Variants in SCRN1 observed in about 807,000 individuals in gnomAD.
The protein encoded by SCRN1 is secernin-1.
Under a neutral mutation model 43.3 loss-of-function variants are expected in SCRN1, and 19 were observed. That is an observed-to-expected ratio of 0.44 (90% CI 0.31 to 0.64). The LOEUF (loss-of-function observed/expected upper bound fraction) is 0.64, where lower values mean the gene tolerates loss of function less well. Among genes scored for constraint, SCRN1 ranks in the 30% least tolerant of loss-of-function variants. SCRN1 has a pLI of 0.09. For synonymous variants in SCRN1, 183 were observed against 188.9 expected, an observed-to-expected ratio of 0.97 and a Z score of 0.26; for missense variants, 447 against 524.1, an observed-to-expected ratio of 0.85 and a Z score of 1.44.
intron 1 of SCRN1, among the ~76,000 whole-genome samples, chr7:29,984,402 T>C (rs960561371): frequency 6.6e-5 from 10 of 151,916 alleles, no homozygotes; most frequent in Non-Finnish European, 1.5e-4. Context: ...GACTCGATTA[T>C]AAAATAACTT....
intron 3 of SCRN1, among the ~76,000 whole-genome samples, chr7:29,954,498 C>T (rs1458156889): frequency 1.3e-5 from 2 of 152,136 alleles, no homozygotes; most frequent in East Asian, 1.9e-4. Flanking sequence ...GGAATCACTC[C>T]CCATTCTCTC....
At chr7:29,975,341 G>T (rs1032527850) in intron 1 of SCRN1, among the ~76,000 whole-genome samples, 1 of 152,196 alleles carries the variant, frequency 6.6e-6, no homozygotes, top group Non-Finnish European at 1.5e-5. Flanking sequence ...TTCCTTGTTT[G>T]AGGCATAATT....
At chr7:29,971,744 G>C (rs752892831) in intron 1 of SCRN1, among the ~76,000 whole-genome samples, 3 of 151,876 alleles carry the variant, frequency 2.0e-5, no homozygotes, top group Non-Finnish European at 4.4e-5. Flanking sequence ...TTCCTAATTA[G>C]AGCAGTTACC....
At chr7:29,990,181 C>G, upstream of SCRN1, 1 of 1,551,668 alleles carries the variant, frequency 6.4e-7, no homozygotes, top group South Asian at 1.2e-5. Context: ...GTGTCCTGTA[C>G]CTTGTTGACT....
At chr7:29,925,777 A>C (rs554313528) in intron 7 of SCRN1, among the ~76,000 whole-genome samples, 1 of 150,760 alleles carries the variant, frequency 6.6e-6, no homozygotes. Flanking sequence ...GGGAGGCAGA[A>C]GCAGGTGGAT....
intron 2 of SCRN1, among the ~76,000 whole-genome samples, chr7:29,957,721 C>T (rs906425571): frequency 1.3e-5 from 2 of 152,128 alleles, no homozygotes; most frequent in Non-Finnish European, 2.9e-5. Flanking sequence ...GCATGGTCCG[C>T]TAGAGGCTGT....
chr7:29,932,693 AGAG>A lies in SCRN1; in HGVS notation c.905+3860_905+3862del, dbSNP rs1787199449. 2.1e-5 allele frequency among the ~76,000 whole-genome samples: 3 copies of A among 143,110 alleles called. No individual in the cohort carries two copies. The South Asian group carries it at 7.2e-4, about 34-fold the overall frequency. 93.9% of individuals were successfully genotyped at this position (143,110 alleles called of 152,430 possible). ...AAAAAAAAAAAAGATTAGTACACTG[AGAG>A]GAGAAGAGGAGGAAACAAAAGACAC... On this transcript the variant is annotated intron_variant, in intron 6 of 7. Transcript: ENST00000242059.
chr7:29,988,680 C>G (rs929822780), intron 1 of SCRN1: 1 of 152,558 alleles, frequency 6.6e-6, no homozygotes, highest in Non-Finnish European at 1.5e-5. Context: ...CCACCCCACC[C>G]GGCTGCCGGA....
At chr7:29,973,316 G>A (rs1280634864) in intron 1 of SCRN1, among the ~76,000 whole-genome samples, 2 of 152,108 alleles carry the variant, frequency 1.3e-5, no homozygotes, top group South Asian at 2.1e-4. Flanking sequence ...GTACTTGTCT[G>A]GCCAATTCCT....
chr7:29,960,376 A>C (rs1788268935), intron 2 of SCRN1, among the ~76,000 whole-genome samples: 2 of 152,228 alleles, frequency 1.3e-5, no homozygotes, highest in Admixed American at 6.5e-5. Flanking sequence ...TGTAGTGGAA[A>C]ACAGACAAAA....
intron 2 of SCRN1, among the ~76,000 whole-genome samples, chr7:29,960,245 T>G (rs181318853): frequency 3.0e-4 from 46 of 152,344 alleles, no homozygotes; most frequent in African/African-American, 1.1e-3. Flanking sequence ...CTGGTAATTT[T>G]CTATTCTTCT....
intron 1 of SCRN1, among the ~76,000 whole-genome samples, chr7:29,987,774 G>C (rs1434580644): frequency 9.9e-5 from 15 of 152,164 alleles, no homozygotes; most frequent in Admixed American, 9.8e-4. Context: ...GTGGAACCCG[G>C]GGGAGTTATG....
intron 3 of SCRN1, among the ~76,000 whole-genome samples, chr7:29,954,252 A>T (rs1788052772): frequency 6.6e-6 from 1 of 152,144 alleles, no homozygotes; most frequent in Non-Finnish European, 1.5e-5. Flanking sequence ...GGAAGAAAAA[A>T]TAACTGAGAC....
chr7:29,928,822 T>C (rs1787063077), intron 6 of SCRN1, among the ~76,000 whole-genome samples: 1 of 152,216 alleles, frequency 6.6e-6, no homozygotes, highest in Non-Finnish European at 1.5e-5. Flanking sequence ...AATGAATGGC[T>C]GTTGAATATG....
rs770886787 is a variant in SCRN1 at position 29,940,786 on chromosome 7, C to T, written c.635G>A (p.Gly212Asp). 4 of 1,609,510 alleles carry T rather than the reference C, an allele frequency of 2.5e-6. No individual in the cohort carries two copies. The Admixed American group carries it at 6.8e-5, about 28-fold the overall frequency. ...GAACTCGCCCTCTCCCGTCCACCAACCTTGGCTCTGAGCGTAACTCCTGAG... is the reference window on the plus strand; with the variant it reads ...GAACTCGCCCTCTCCCGTCCACCAATCTTGGCTCTGAGCGTAACTCCTGAG... ...PELRSYAQSQ[G>D]WWTGEGEFNF... is the part of the protein sequence containing the mutation. The change falls in exon 5 of 8, where the codon GGT (glycine) becomes GAT (aspartate). Residue 212 changes from glycine to aspartate, a missense_variant. Physicochemically the swap from Gly to Asp is moderately conservative, Grantham distance 94. Transcript: ENST00000242059.
chr7:29,964,287 G>A (rs951582583), intron 2 of SCRN1, among the ~76,000 whole-genome samples: 1 of 152,080 alleles, frequency 6.6e-6, no homozygotes, highest in African/African-American at 2.4e-5. Context: ...GTGGGTGAAT[G>A]GATAAATAAC....
chr7:29,925,065 T>G lies in SCRN1; in HGVS notation c.1087-950A>C, dbSNP rs550437792. Among the ~76,000 whole-genome samples, 9 of 152,244 alleles carry G rather than the reference T, an allele frequency of 5.9e-5. No homozygotes were observed. In the South Asian group the frequency reaches 1.9e-3, roughly 32 times the overall value. ...CCACACAGCGACAGTTTTCATCTAC[T>G]TGGGGCTTATGGTCATCCACCAAGA... On this transcript the variant is annotated intron_variant, in intron 7 of 7. Transcript: ENST00000242059.
At chr7:29,932,225 G>A (rs910555368) in intron 6 of SCRN1, among the ~76,000 whole-genome samples, 10 of 152,140 alleles carry the variant, frequency 6.6e-5, no homozygotes, top group Non-Finnish European at 2.9e-5. Context: ...TAGGGCCTTC[G>A]GCTCTGTCTA....
rs566255171 is a variant in SCRN1, at chr7:29,977,596, G to C, written c.-1-8528C>G. Among the ~76,000 whole-genome samples the C allele has an allele frequency of 1.6e-4, 25 of 152,308 alleles. No homozygotes were observed. In the South Asian group the frequency reaches 3.5e-3, roughly 21 times the overall value. Reference sequence around the variant, plus strand: ...GAAAGATTTTACTAAGTGTTTCATTGAAAGCTCATGAGAGTAGAGCATAAA... The same window carrying C: ...GAAAGATTTTACTAAGTGTTTCATTCAAAGCTCATGAGAGTAGAGCATAAA... On this transcript the variant is annotated intron_variant, in intron 1 of 7. Transcript: ENST00000242059.
Sources: gnomAD v4.1 joint callset for allele counts (sites outside exome capture counted in the v4.1 genomes callset) on GRCh38, gnomAD v4.1.1 for gene constraint, MANE v1.5 for transcripts, NCBI Gene and HGNC (gene_info 2026-07-23, HGNC 2026-07-21) for gene names.